Variants in BCKDHB observed in about 807,000 individuals in gnomAD.
The protein encoded by BCKDHB is 2-oxoisovalerate dehydrogenase subunit beta, mitochondrial.
In BCKDHB, 41 loss-of-function variants were observed where a neutral mutation model predicts 48.5. The ratio of observed to expected loss-of-function variants is 0.85; its 90% CI spans 0.66 to 1.10. BCKDHB has a LOEUF of 1.10. Among genes scored for constraint, BCKDHB ranks in the 50% least tolerant of loss-of-function variants. The pLI is 0.00. For synonymous variants in BCKDHB, 201 were observed against 174.8 expected (o/e 1.15, Z -1.18); for missense variants, 496 against 494.2 (o/e 1.00, Z -0.03).
intron 9 of BCKDHB, among the ~76,000 whole-genome samples, chr6:80,329,490 T>C (rs1203468670): frequency 6.6e-6 from 1 of 152,152 alleles, no homozygotes; most frequent in Non-Finnish European, 1.5e-5. Context: ...TATAGCCATG[T>C]AAAGTATGAA....
rs869312129 is a variant in BCKDHB, at chr6:80,343,689, CT to C, written c.1065del (p.Pro356LeufsTer34). 1 of 1,613,954 alleles carries C rather than the reference CT, an allele frequency of 6.2e-7. No individual in the cohort carries two copies. The highest frequency in any genetic ancestry group is 1.1e-5 in the South Asian group (1 of 91,078). On this transcript the variant is annotated frameshift_variant, in exon 10 of 10. Coordinates refer to ENST00000320393, the MANE Select transcript of BCKDHB (RefSeq NM_183050.4). LOFTEE classifies it high-confidence loss of function. ...VQEECFLNLEAPISRVCGYDT... is the reference protein window; with the variant it reads ...VQEECFLNLEXPISRVCGYDT... ...GAGGAATGTTTCTTGAACCTAGAGG[CT>C]CCTATATCAAGAGTATGTGGTTATG...
At chr6:80,146,985 G>A (rs1771519160) in intron 3 of BCKDHB, among the ~76,000 whole-genome samples, 1 of 152,044 alleles carries the variant, frequency 6.6e-6, no homozygotes, top group African/African-American at 2.4e-5. Flanking sequence ...TTAGCAGTTG[G>A]CACTATGCTT....
intron 8 of BCKDHB, among the ~76,000 whole-genome samples, chr6:80,208,233 C>A (rs77812289): frequency 6.6e-6 from 1 of 151,562 alleles, no homozygotes; most frequent in Admixed American, 6.6e-5. Context: ...TCTAAATAAC[C>A]GTGGATTACA....
intron 9 of BCKDHB, among the ~76,000 whole-genome samples, chr6:80,318,022 G>A (rs1768533643): frequency 6.6e-6 from 1 of 152,040 alleles, no homozygotes; most frequent in African/African-American, 2.4e-5. Flanking sequence ...TTATCTCTGT[G>A]TGTCAGGATA....
At chr6:80,407,286 G>A in the BCKDHB span, among the ~76,000 whole-genome samples, 1 of 152,156 alleles carries the variant, frequency 6.6e-6, no homozygotes, top group Non-Finnish European at 1.5e-5. Flanking sequence ...AAGTCAGGTA[G>A]CATGATACCT....
chr6:80,427,270 T>C, the BCKDHB span, among the ~76,000 whole-genome samples: 3 of 152,058 alleles, frequency 2.0e-5, no homozygotes. Flanking sequence ...ATGGCTGTTT[T>C]AAGGTTTGGA....
the BCKDHB span, among the ~76,000 whole-genome samples, chr6:80,442,516 A>G: frequency 6.6e-6 from 1 of 152,194 alleles, no homozygotes; most frequent in Non-Finnish European, 1.5e-5. Flanking sequence ...CATGTATAGA[A>G]GAGACCATCT....
intron 3 of BCKDHB, among the ~76,000 whole-genome samples, chr6:80,147,993 A>T (rs1771572824): frequency 6.6e-6 from 1 of 152,182 alleles, no homozygotes; most frequent in Admixed American, 6.5e-5. Context: ...TGTTACAATT[A>T]GGAGGCCATT....
At chr6:80,348,109 T>A (rs1190079901), downstream of BCKDHB, among the ~76,000 whole-genome samples, 3 of 151,798 alleles carry the variant, frequency 2.0e-5, no homozygotes, top group Non-Finnish European at 4.4e-5. Flanking sequence ...TGTGTACATT[T>A]TAAAAAAAAA....
intron 6 of BCKDHB, among the ~76,000 whole-genome samples, chr6:80,200,210 G>A (rs939625967): frequency 7.9e-5 from 12 of 152,046 alleles, no homozygotes; most frequent in Middle Eastern, 3.4e-3. Flanking sequence ...ACTTGGTTGG[G>A]CAGAGAAGTT....
At chr6:80,404,388 T>A in the BCKDHB span, among the ~76,000 whole-genome samples, 16 of 151,952 alleles carry the variant, frequency 1.1e-4, no homozygotes, top group Admixed American at 6.6e-4. Flanking sequence ...TCTATTCCTT[T>A]GTGTTTCTAT....
chr6:80,147,792 T>C (rs1026287113), intron 3 of BCKDHB, among the ~76,000 whole-genome samples: 2 of 152,136 alleles, frequency 1.3e-5, no homozygotes, highest in Non-Finnish European at 2.9e-5. Context: ...CTGCTGCAGG[T>C]CTGAGAACCA....
Position 80,107,339 on chromosome 6 carries a change from T to A in BCKDHB, c.196+450T>A, listed in dbSNP as rs1051029727. ...ATATTTTAAATGTATATTATATATA[T>A]TATATATAAAATATATATATGTATA... is the stretch of plus-strand genomic sequence containing the variant. On this transcript the variant is annotated intron_variant, in intron 1 of 9. Transcript: ENST00000320393. Among the ~76,000 whole-genome samples the A allele has an allele frequency of 6.2e-5, 9 of 146,110 alleles. No homozygotes were observed. In the Admixed American group the frequency reaches 6.2e-4, roughly 10 times the overall value.
chr6:80,109,296 G>A (rs72906861), intron 1 of BCKDHB, among the ~76,000 whole-genome samples: 10,931 of 152,234 alleles, frequency 0.072, 481 homozygotes, highest in South Asian at 0.099. Flanking sequence ...AACACTGTTT[G>A]ACAACTGAGA....
At chr6:80,178,436 A>G (rs1192339294) in intron 6 of BCKDHB, among the ~76,000 whole-genome samples, 10 of 152,232 alleles carry the variant, frequency 6.6e-5, no homozygotes, top group African/African-American at 2.2e-4. Context: ...ATAGCACAAT[A>G]AACTGCAGCT....
the BCKDHB span, among the ~76,000 whole-genome samples, chr6:80,415,005 G>A: frequency 1.6e-5 from 2 of 128,736 alleles, no homozygotes; most frequent in Admixed American, 7.2e-5. Flanking sequence ...GTATTTCTGT[G>A]TGTGTGTGTG....
intron 9 of BCKDHB, among the ~76,000 whole-genome samples, chr6:80,341,473 G>A (rs1357383268): frequency 6.6e-6 from 1 of 152,174 alleles, no homozygotes; most frequent in Non-Finnish European, 1.5e-5. Flanking sequence ...GTTCAAGTGT[G>A]TCTTCACAGC....
chr6:80,238,607 A>AT (rs1228382368), intron 8 of BCKDHB, among the ~76,000 whole-genome samples: 4 of 151,228 alleles, frequency 2.6e-5, no homozygotes, highest in Non-Finnish European at 4.4e-5. Flanking sequence ...TATATTTTTT[A>AT]TTTTTTATTA....
chr6:80,314,446 G>A (rs1389597123), intron 9 of BCKDHB, among the ~76,000 whole-genome samples: 2 of 152,216 alleles, frequency 1.3e-5, no homozygotes, highest in African/African-American at 4.8e-5. Context: ...CAGCAAAGGT[G>A]GTGGCCTGCT....
Sources: gnomAD v4.1 joint callset for allele counts (sites outside exome capture counted in the v4.1 genomes callset) on GRCh38, gnomAD v4.1.1 for gene constraint, MANE v1.5 for transcripts, NCBI Gene and HGNC (gene_info 2026-07-23, HGNC 2026-07-21) for gene names.